The following PIP5K1B variants were observed in gnomAD, a reference collection of about 807,000 sequenced individuals.
PIP5K1B encodes the protein phosphatidylinositol 4-phosphate 5-kinase type-1 beta.
PIP5K1B carries 42 observed loss-of-function variants against 67.0 expected under a neutral mutation model. The ratio of observed to expected loss-of-function variants is 0.63; its 90% CI spans 0.49 to 0.81. The LOEUF (loss-of-function observed/expected upper bound fraction) is 0.81, where lower values mean the gene tolerates loss of function less well. Ranked by LOEUF, PIP5K1B falls within the 30% of genes least tolerant of loss-of-function variation. The pLI is 0.00. For missense variants in PIP5K1B, 459 were observed against 646.3 expected, an observed-to-expected ratio of 0.71 and a Z score of 3.14; for synonymous variants, 214 against 231.4, an observed-to-expected ratio of 0.92 and a Z score of 0.68.
chr9:68,795,090 T>C (rs1039472451), intron 2 of PIP5K1B, among the ~76,000 whole-genome samples: 1 of 152,210 alleles, frequency 6.6e-6, no homozygotes, highest in Admixed American at 6.5e-5. Flanking sequence ...CTAGGTAGTA[T>C]TGGTTTTCCT....
At chr9:68,891,945 G>T (rs538836043) in intron 7 of PIP5K1B, among the ~76,000 whole-genome samples, 2 of 152,200 alleles carry the variant, frequency 1.3e-5, no homozygotes, top group African/African-American at 4.8e-5. Flanking sequence ...TTCTGATTGG[G>T]AAAGCAAGAT....
At chr9:68,899,965 A>G (rs748187591) in intron 8 of PIP5K1B, among the ~76,000 whole-genome samples, 3 of 152,030 alleles carry the variant, frequency 2.0e-5, no homozygotes, top group East Asian at 3.9e-4. Flanking sequence ...TTTCTACTTT[A>G]TGTTCACATG....
chr9:68,891,493 A>G (rs1394960971), intron 7 of PIP5K1B, among the ~76,000 whole-genome samples: 1 of 151,816 alleles, frequency 6.6e-6, no homozygotes, highest in Non-Finnish European at 1.5e-5. Context: ...TACAAGTTGT[A>G]CATTTATCAG....
At chr9:68,711,964 C>T (rs752410075) in intron 1 of PIP5K1B, among the ~76,000 whole-genome samples, 54 of 152,154 alleles carry the variant, frequency 3.5e-4, no homozygotes, top group Non-Finnish European at 5.9e-4. Context: ...TAAAGGAGAC[C>T]TTCTCCATAT....
chr9:68,752,599 A>T (rs559126844), intron 2 of PIP5K1B, among the ~76,000 whole-genome samples: 1 of 151,522 alleles, frequency 6.6e-6, no homozygotes, highest in East Asian at 1.9e-4. Context: ...CAAACCTGAT[A>T]ATGCAGAAAA....
intron 1 of PIP5K1B, among the ~76,000 whole-genome samples, chr9:68,722,601 G>A (rs1053499698): frequency 6.6e-6 from 1 of 150,582 alleles, no homozygotes; most frequent in African/African-American, 2.4e-5. Flanking sequence ...TGACCATATT[G>A]TTGTTATTTT....
At chr9:68,768,987 T>C (rs980547613) in intron 2 of PIP5K1B, among the ~76,000 whole-genome samples, 1 of 152,234 alleles carries the variant, frequency 6.6e-6, no homozygotes, top group African/African-American at 2.4e-5. Context: ...TAGCTAGTCG[T>C]AGTCGCCCTG....
At chr9:68,886,772 C>T (rs11144133) in intron 6 of PIP5K1B, among the ~76,000 whole-genome samples, 58,243 of 152,002 alleles carry the variant, frequency 0.38, 12,104 homozygotes, top group Middle Eastern at 0.49. Context: ...ACGGTGGTTT[C>T]CTAACCCAAC....
chr9:68,754,654 T>G (rs1176909323), intron 2 of PIP5K1B, among the ~76,000 whole-genome samples: 2 of 152,230 alleles, frequency 1.3e-5, no homozygotes, highest in Non-Finnish European at 2.9e-5. Flanking sequence ...TTCAGGTGAT[T>G]CTACTGAATT....
At chr9:69,007,584 G>A (rs1289020483) in intron 15 of PIP5K1B, among the ~76,000 whole-genome samples, 4 of 152,272 alleles carry the variant, frequency 2.6e-5, no homozygotes, top group East Asian at 3.9e-4. Context: ...CAGGCCGGGT[G>A]AGGTGGCTCA....
At chr9:68,935,510 G>A (rs529236267) in intron 13 of PIP5K1B, among the ~76,000 whole-genome samples, 4 of 152,238 alleles carry the variant, frequency 2.6e-5, no homozygotes, top group South Asian at 2.1e-4. Flanking sequence ...GTAAGATGCA[G>A]TTCATGCACA....
At chr9:68,768,926 T>TA (rs1488549058) in intron 2 of PIP5K1B, among the ~76,000 whole-genome samples, 5 of 152,208 alleles carry the variant, frequency 3.3e-5, no homozygotes, top group Non-Finnish European at 7.4e-5. Context: ...AAAGTAAAGA[T>TA]ACTGGGCAAA....
intron 15 of PIP5K1B, among the ~76,000 whole-genome samples, chr9:68,993,396 C>T (rs1323239760): frequency 6.6e-6 from 1 of 152,170 alleles, no homozygotes; most frequent in Non-Finnish European, 1.5e-5. Flanking sequence ...CAGGTCTCAG[C>T]CCAAGTACCT....
chr9:68,833,126 G>A (rs1378968689), intron 4 of PIP5K1B, among the ~76,000 whole-genome samples: 1 of 152,242 alleles, frequency 6.6e-6, no homozygotes, highest in Non-Finnish European at 1.5e-5. Flanking sequence ...TGCTTTCATT[G>A]TCATGGTACA....
intron 12 of PIP5K1B, among the ~76,000 whole-genome samples, chr9:68,925,795 ATTTTTTT>A (rs71353094): frequency 4.1e-5 from 3 of 73,296 alleles, no homozygotes; most frequent in African/African-American, 1.7e-4. Context: ...TGTGGTTCCA[ATTTTTTT>A]TTTTTTTTTT....
chr9:68,878,013 CTGTGTGTGTGTGTGTG>C lies in PIP5K1B; in HGVS notation c.318+1245_318+1260del, dbSNP rs35871698. Among the ~76,000 whole-genome samples the C allele has an allele frequency of 2.8e-5, 4 of 142,006 alleles. No homozygotes were observed. In the East Asian group the frequency reaches 6.2e-4, roughly 22 times the overall value. 93.2% of individuals were successfully genotyped at this position (142,006 alleles called of 152,430 possible). On this transcript the variant is annotated intron_variant, in intron 6 of 15. Transcript: ENST00000265382. Reference sequence around the variant, plus strand: ...AAGTACACAAGCACACGCATTTGTTCTGTGTGTGTGTGTGTGTGTGTGTGTGTGTGTGTGTGTGTGT... The same window carrying C: ...AAGTACACAAGCACACGCATTTGTTCTGTGTGTGTGTGTGTGTGTGTGTGT...
At chr9:68,844,032 C>G (rs1822056387) in intron 4 of PIP5K1B, among the ~76,000 whole-genome samples, 1 of 152,110 alleles carries the variant, frequency 6.6e-6, no homozygotes, top group South Asian at 2.1e-4. Flanking sequence ...GCAACGGACT[C>G]AAGAAACATG....
rs576480025 is a variant in PIP5K1B at position 68,932,598 on chromosome 9, G to A, written c.1202-2292G>A. 9.5e-4 allele frequency among the ~76,000 whole-genome samples: 145 copies of A among 152,308 alleles called. 1 individual carries two copies. The highest frequency in any genetic ancestry group is 3.2e-3 in the African/African-American group (135 of 41,556). On this transcript the variant is annotated intron_variant, in intron 12 of 15. Coordinates refer to ENST00000265382, the MANE Select transcript of PIP5K1B (RefSeq NM_003558.4). ...CTGGCTTAATAGAAGATAAGTTGGA[G>A]TCTCACATCTGCTTCTGAATTCAAT...
chr9:68,813,906 G>C (rs1195930718), intron 2 of PIP5K1B, among the ~76,000 whole-genome samples: 2 of 152,206 alleles, frequency 1.3e-5, no homozygotes, highest in Admixed American at 6.5e-5. Context: ...CTCCAGAACT[G>C]TGGGAAAATA....
Sources: allele counts gnomAD v4.1 joint callset (sites outside exome capture counted in the v4.1 genomes callset), GRCh38; gene constraint gnomAD v4.1.1; transcripts MANE v1.5; gene names NCBI Gene and HGNC (gene_info 2026-07-23, HGNC 2026-07-21).